Variants in TOGARAM1 observed in about 807,000 individuals in gnomAD.
TOGARAM1 encodes the protein TOG array regulator of axonemal microtubules 1.
TOGARAM1 carries 100 observed loss-of-function variants against 166.6 expected under a neutral mutation model. The observed-to-expected ratio is 0.60, with a 90% CI of 0.51 to 0.71. The LOEUF (loss-of-function observed/expected upper bound fraction) is 0.71, where lower values mean the gene tolerates loss of function less well. TOGARAM1 is among the 30% of genes least tolerant of loss of function. The pLI, the probability that TOGARAM1 is intolerant of heterozygous loss-of-function variation, is 0.00. For missense variants in TOGARAM1, 2,029 were observed against 2,102.7 expected (o/e 0.96, Z 0.69); for synonymous variants, 758 against 763.8 (o/e 0.99, Z 0.13).
At chr14:45,063,565 T>G (rs531478281) in intron 16 of TOGARAM1, among the ~76,000 whole-genome samples, 1 of 147,186 alleles carries the variant, frequency 6.8e-6, no homozygotes, top group Non-Finnish European at 1.5e-5. Flanking sequence ...CTGCAACCTC[T>G]GCCTCCCAGG....
intron 16 of TOGARAM1, among the ~76,000 whole-genome samples, chr14:45,063,788 T>C (rs933431772): frequency 6.6e-6 from 1 of 152,098 alleles, no homozygotes; most frequent in Non-Finnish European, 1.5e-5. Context: ...CCGACAAAGA[T>C]TCTTCTGGAC....
At chr14:45,055,504 G>C (rs1882584179) in intron 16 of TOGARAM1, among the ~76,000 whole-genome samples, 1 of 152,022 alleles carries the variant, frequency 6.6e-6, no homozygotes, top group African/African-American at 2.4e-5. Context: ...TGTTGGTTTT[G>C]CTTAAGGTTG....
intron 18 of TOGARAM1, 105 bp downstream of exon 18, chr14:45,068,748 T>A: frequency 1.3e-6 from 1 of 780,712 alleles, no homozygotes; most frequent in Non-Finnish European, 1.9e-6. Flanking sequence ...TTATTCAGTT[T>A]TTTAAACTTA....
chr14:44,970,493 A>G (rs1207390896), intron 1 of TOGARAM1, among the ~76,000 whole-genome samples: 6 of 152,136 alleles, frequency 3.9e-5, no homozygotes, highest in African/African-American at 1.4e-4. Flanking sequence ...TCTGTGAACA[A>G]AGACAATTTT....
In TOGARAM1 at chr14:45,005,489, C is replaced by T. The variant is rs566072322; in HGVS notation, c.2645-519C>T. Among the ~76,000 whole-genome samples the T allele has an allele frequency of 1.9e-3, 282 of 152,210 alleles. 2 individuals are homozygous for T. The highest frequency in any genetic ancestry group is 6.4e-3 in the African/African-American group (265 of 41,528). On this transcript the variant is annotated intron_variant, in intron 4 of 19. Transcript: ENST00000361462. The stretch of plus-strand genomic sequence containing the variant: ...AATTAGCCGGGCTGATGGCACGTGC[C>T]TGTAATCCCAGCTACTTGGGAGGCT...
intron 16 of TOGARAM1, among the ~76,000 whole-genome samples, chr14:45,055,053 C>CA (rs1414499485): frequency 1.3e-5 from 2 of 151,792 alleles, no homozygotes; most frequent in Non-Finnish European, 1.5e-5. Flanking sequence ...CTGTCTCTAC[C>CA]AAAAAAATAC....
At chr14:45,072,040 T>G (rs1804053653) in intron 19 of TOGARAM1, among the ~76,000 whole-genome samples, 1 of 152,196 alleles carries the variant, frequency 6.6e-6, no homozygotes, top group Admixed American at 6.5e-5. Flanking sequence ...CCAAATGCAG[T>G]GCAGGTTCAG....
At chr14:44,995,029 G>A (rs1887347535) in intron 1 of TOGARAM1, among the ~76,000 whole-genome samples, 1 of 152,010 alleles carries the variant, frequency 6.6e-6, no homozygotes, top group African/African-American at 2.4e-5. Context: ...AAGTGATCCG[G>A]GACAATTGAG....
chr14:45,054,139 G>A (rs1403881237), intron 15 of TOGARAM1, among the ~76,000 whole-genome samples: 1 of 152,046 alleles, frequency 6.6e-6, no homozygotes, highest in Admixed American at 6.5e-5. Context: ...CCAAAGTGCT[G>A]GGATTACAGG....
chr14:45,032,392 T>G lies in TOGARAM1; in HGVS notation c.3812+16T>G. The G allele has an allele frequency of 1.2e-6, 2 of 1,606,518 alleles. No homozygotes were observed. The highest frequency in any genetic ancestry group is 2.3e-5 in the South Asian group (2 of 88,652). ...ATGAGGATTGGTAAGTTCACCATCC[T>G]TAACTTAAAACTAAGCAGAGTTCAA... On this transcript the variant is annotated intron_variant, in intron 11 of 19. Coordinates refer to ENST00000361462, the MANE Select transcript of TOGARAM1 (RefSeq NM_001308120.2).
intron 1 of TOGARAM1, among the ~76,000 whole-genome samples, chr14:44,986,204 A>C (rs1234890931): frequency 2.0e-5 from 3 of 152,238 alleles, no homozygotes; most frequent in Non-Finnish European, 2.9e-5. Flanking sequence ...TATTATTCTT[A>C]CATGGTGGTA....
intron 5 of TOGARAM1, chr14:45,007,736 G>A (rs1441600638): frequency 1.3e-5 from 2 of 152,106 alleles, no homozygotes; most frequent in African/African-American, 2.4e-5. Flanking sequence ...TTTGACAAAA[G>A]CATAAGTTTT....
At chr14:45,030,136 A>T (rs28403384) in intron 10 of TOGARAM1, among the ~76,000 whole-genome samples, 7,161 of 148,502 alleles carry the variant, frequency 0.048, 541 homozygotes, top group African/African-American at 0.17. Context: ...GGAAGTTTTT[A>T]AAAAAAAAAA....
At chr14:45,055,470 C>T (rs1882583188) in intron 16 of TOGARAM1, among the ~76,000 whole-genome samples, 1 of 152,032 alleles carries the variant, frequency 6.6e-6, no homozygotes, top group Non-Finnish European at 1.5e-5. Flanking sequence ...AATTTGAAGC[C>T]AGGTAATGTG....
chr14:45,068,704 C>T, intron 18 of TOGARAM1, 61 bp downstream of exon 18: 7 of 1,296,882 alleles, frequency 5.4e-6, no homozygotes, highest in Non-Finnish European at 7.4e-6. Context: ...TTTCTGATTC[C>T]ATCCATACTT....
At chr14:44,995,509 G>A (rs923403577) in intron 1 of TOGARAM1, 1 of 518,672 alleles carries the variant, frequency 1.9e-6, no homozygotes, top group Non-Finnish European at 3.7e-6. Context: ...GGATGGTAAG[G>A]AACAGTAAAG....
chr14:45,070,635 A>G (rs1266118321), intron 18 of TOGARAM1, among the ~76,000 whole-genome samples: 1 of 152,150 alleles, frequency 6.6e-6, no homozygotes, highest in Non-Finnish European at 1.5e-5. Flanking sequence ...TTGACAGTTT[A>G]TGTTATTGGT....
chr14:44,986,590 C>A (rs986368680), intron 1 of TOGARAM1, among the ~76,000 whole-genome samples: 1 of 152,112 alleles, frequency 6.6e-6, no homozygotes, highest in East Asian at 1.9e-4. Context: ...AGCCACCACT[C>A]CTGGCCCAAC....
intron 3 of TOGARAM1, 100 bp downstream of exon 3, chr14:44,999,597 C>T: frequency 1.1e-6 from 1 of 932,826 alleles, no homozygotes; most frequent in South Asian, 3.8e-5. Flanking sequence ...ATACTCATCA[C>T]AAAAAATAAA....
Sources: allele counts gnomAD v4.1 joint callset (sites outside exome capture counted in the v4.1 genomes callset), GRCh38; gene constraint gnomAD v4.1.1; transcripts MANE v1.5; gene names NCBI Gene and HGNC (gene_info 2026-07-23, HGNC 2026-07-21).